The following PLS3 variants were observed in gnomAD, a reference collection of about 807,000 sequenced individuals.
PLS3 encodes the protein plastin-3.
PLS3 carries 11 observed loss-of-function variants against 46.5 expected under a neutral mutation model. That is an observed-to-expected ratio of 0.24 (90% CI 0.15 to 0.39). The LOEUF (loss-of-function observed/expected upper bound fraction) is 0.39. PLS3 is among the 10% of genes least tolerant of loss of function. The pLI is 1.00. For synonymous variants in PLS3, 167 were observed against 162.2 expected (o/e 1.03, Z -0.22); for missense variants, 308 against 461.8 (o/e 0.67, Z 3.05).
intron 2 of PLS3, among the ~76,000 whole-genome samples, chrX:115,616,902 G>A (rs782475130): frequency 1.8e-5 from 2 of 111,813 alleles, no homozygotes; most frequent in South Asian, 7.5e-4. Flanking sequence ...GATCATGGGA[G>A]GTAGTGTAAT....
At chrX:115,598,279 C>A (rs1176239077) in intron 1 of PLS3, among the ~76,000 whole-genome samples, 17 of 101,200 alleles carry the variant, frequency 1.7e-4, no homozygotes, top group African/African-American at 6.0e-4. Flanking sequence ...GGCGACACAG[C>A]GAGATTCTAT....
intron 1 of PLS3, among the ~76,000 whole-genome samples, chrX:115,581,081 C>CA (rs1473830412): frequency 2.7e-5 from 3 of 110,714 alleles, no homozygotes; most frequent in Admixed American, 9.7e-5. Flanking sequence ...TTTTAATGGC[C>CA]AAAATTGAAG....
chrX:115,573,093 C>CAAAAAA (rs1163578692), intron 1 of PLS3, among the ~76,000 whole-genome samples: 4 of 30,204 alleles, frequency 1.3e-4, no homozygotes, highest in African/African-American at 1.9e-4. Flanking sequence ...GACTCCGTCT[C>CAAAAAA]AAAAAAAAAA....
chrX:115,627,208 T>C (rs1283372906), intron 3 of PLS3, among the ~76,000 whole-genome samples: 1 of 112,160 alleles, frequency 8.9e-6, no homozygotes, highest in Non-Finnish European at 1.9e-5. Flanking sequence ...TTTTTAAATA[T>C]GAATTAATCC....
chrX:115,640,880 A>G (rs2074887969), intron 9 of PLS3, among the ~76,000 whole-genome samples: 1 of 111,670 alleles, frequency 9.0e-6, no homozygotes, highest in Non-Finnish European at 1.9e-5. Context: ...TTTAGTGACT[A>G]TATATTCATA....
In PLS3 at chrX:115,646,222, T is replaced by C. The variant is rs781854986; in HGVS notation, c.1377+36T>C. The C allele has an allele frequency of 3.3e-6, 3 of 897,050 alleles. No homozygotes were observed. The African/African-American group carries it at 6.0e-5, about 18-fold the overall frequency. 73.9% of individuals were successfully genotyped at this position (897,050 alleles called of 1,213,427 possible). On this transcript the variant is annotated intron_variant, in intron 12 of 15. Coordinates refer to ENST00000355899, the MANE Select transcript of PLS3 (RefSeq NM_005032.7). ...AAGTTGCTGTATATATTTGTTAGAG[T>C]ATTTTTATTCTCGATTAATTTCTTT...
At chrX:115,611,426 A>C (rs1262408936) in intron 2 of PLS3, among the ~76,000 whole-genome samples, 2 of 112,618 alleles carry the variant, frequency 1.8e-5, no homozygotes, top group Admixed American at 9.4e-5. Context: ...AATGCTACAT[A>C]GTTTAATATA....
rs1333359067 is a variant in PLS3, at chrX:115,649,742, C to T, written c.*181C>T. 1 of 356,842 alleles carries T rather than the reference C, an allele frequency of 2.8e-6. No individual in the cohort carries two copies. The highest frequency in any genetic ancestry group is 4.2e-5 in the East Asian group (1 of 24,026). The allele number at this position is 356,842 out of a possible 1,213,427, so 29.4% of individuals were successfully genotyped here. ...GGAAAGGGTTTAAGAAAAACAACTC[C>T]TCTTTCCCATAGTCAGAGTTGAATT... On this transcript the variant is annotated 3_prime_UTR_variant, in exon 16 of 16. Transcript: ENST00000355899.
At chrX:115,622,948 A>T (rs1165357896) in intron 3 of PLS3, among the ~76,000 whole-genome samples, 2 of 111,295 alleles carry the variant, frequency 1.8e-5, no homozygotes, top group African/African-American at 6.5e-5. Context: ...GGCATTTAAC[A>T]TTTTTGTTTT....
At chrX:115,599,520 CAAAA>C (rs782065548) in intron 1 of PLS3, among the ~76,000 whole-genome samples, 1 of 46,850 alleles carries the variant, frequency 2.1e-5, no homozygotes. Flanking sequence ...GACTCTATCT[CAAAA>C]AAAAAAAAAA....
chrX:115,646,716 G>C (rs782313456), intron 13 of PLS3, among the ~76,000 whole-genome samples, 181 bp downstream of exon 13: 2 of 112,485 alleles, frequency 1.8e-5, no homozygotes, highest in Admixed American at 9.5e-5. Context: ...ATGCTTCCTT[G>C]CAAGTTAGGC....
At chrX:115,644,525 A>G (rs2074930926) in intron 10 of PLS3, among the ~76,000 whole-genome samples, 1 of 110,782 alleles carries the variant, frequency 9.0e-6, no homozygotes, top group African/African-American at 3.3e-5. Flanking sequence ...TGAACCTGGG[A>G]GGCAGAGGTT....
At chrX:115,640,274 G>GT in intron 8 of PLS3, 134 bp from the exon 9 acceptor site, 1 of 639,653 alleles carries the variant, frequency 1.6e-6, no homozygotes, top group Non-Finnish European at 2.5e-6. Flanking sequence ...GAAAACACCT[G>GT]TTAAATTAAA....
Position 115,578,594 on chromosome X carries a change from G to A in PLS3, c.-9+17334G>A, listed in dbSNP as rs186103087. ...CAAAAAATTAGACTGGCGTGGTGGCGGGCGCCTGTAGTCCCAGCTACTCGG... is the reference window on the plus strand; with the variant it reads ...CAAAAAATTAGACTGGCGTGGTGGCAGGCGCCTGTAGTCCCAGCTACTCGG... On this transcript the variant is annotated intron_variant, in intron 1 of 15. Coordinates refer to ENST00000355899, the MANE Select transcript of PLS3 (RefSeq NM_005032.7). 8.5e-4 allele frequency among the ~76,000 whole-genome samples: 90 copies of A among 105,754 alleles called. 1 individual carries two copies. The highest frequency in any genetic ancestry group is 2.8e-3 in the African/African-American group (81 of 28,978). The allele number at this position is 105,754 out of a possible 115,157, so 91.8% of individuals were successfully genotyped here.
intron 1 of PLS3, among the ~76,000 whole-genome samples, chrX:115,573,353 T>A (rs1346944617): frequency 8.9e-6 from 1 of 112,164 alleles, no homozygotes; most frequent in Non-Finnish European, 1.9e-5. Context: ...TTGCTCAGCC[T>A]ACAAATGAAG....
At chrX:115,630,807 G>A (rs2074758804) in intron 5 of PLS3, among the ~76,000 whole-genome samples, 1 of 87,543 alleles carries the variant, frequency 1.1e-5, no homozygotes, top group African/African-American at 4.3e-5. Flanking sequence ...AAATATATAT[G>A]TATAATATAT....
intron 2 of PLS3, among the ~76,000 whole-genome samples, chrX:115,611,523 G>T (rs2074548687): frequency 9.0e-6 from 1 of 110,838 alleles, no homozygotes; most frequent in African/African-American, 3.3e-5. Flanking sequence ...ATTGTTTTAG[G>T]AGTGCATTTT....
intron 11 of PLS3, 109 bp from the exon 12 acceptor site, chrX:115,645,960 GTAT>G: frequency 2.0e-6 from 1 of 488,210 alleles, no homozygotes; most frequent in South Asian, 3.0e-5. Context: ...TGAGTCTTGG[GTAT>G]TATTTATGGT....
intron 1 of PLS3, among the ~76,000 whole-genome samples, chrX:115,597,996 A>G (rs992606948): frequency 9.0e-6 from 1 of 111,395 alleles, no homozygotes; most frequent in Non-Finnish European, 1.9e-5. Context: ...TGCTCACCAC[A>G]TTGACTATAA....
Sources: allele counts gnomAD v4.1 joint callset (sites outside exome capture counted in the v4.1 genomes callset), GRCh38; gene constraint gnomAD v4.1.1; transcripts MANE v1.5; gene names NCBI Gene and HGNC (gene_info 2026-07-23, HGNC 2026-07-21).